SLC45A4: variants seen among roughly 807,000 people sequenced by gnomAD.
The protein encoded by SLC45A4 is solute carrier family 45 member 4, also known as polyamine-transporter SLC45A4.
In SLC45A4, 32 loss-of-function variants were observed where a neutral mutation model predicts 63.7. The observed-to-expected ratio is 0.50, with a 90% CI of 0.38 to 0.67. SLC45A4 has a LOEUF of 0.67. Ranked by LOEUF, SLC45A4 falls within the 30% of genes least tolerant of loss-of-function variation. SLC45A4 has a pLI of 0.00. For missense variants in SLC45A4, 1,027 were observed against 1,157.7 expected, an observed-to-expected ratio of 0.89 and a Z score of 1.64; for synonymous variants, 535 against 510.0, an observed-to-expected ratio of 1.05 and a Z score of -0.66.
rs571364396 is a variant in SLC45A4, at chr8:141,263,056, C to A, written c.-400-8427G>T. On this transcript the variant is annotated intron_variant, in intron 1 of 8. Coordinates refer to ENST00000517878, the MANE Select transcript of SLC45A4 (RefSeq NM_001286646.2). ...GCCATAAAAAATGATGAGTTCATGTCCTTTGTAGGGACATGGATGAAACTG... is the reference window on the plus strand; with the variant it reads ...GCCATAAAAAATGATGAGTTCATGTACTTTGTAGGGACATGGATGAAACTG... Among the ~76,000 whole-genome samples the A allele has an allele frequency of 9.2e-3, 1,396 of 151,964 alleles. 32 individuals are homozygous for A. The highest frequency in any genetic ancestry group is 0.033 in the African/African-American group (1,350 of 41,420).
In SLC45A4 at chr8:141,254,360, C is replaced by A. The variant is rs961692435; in HGVS notation, c.-131G>T. The A allele has an allele frequency of 2.8e-6, 3 of 1,077,394 alleles. No individual in the cohort carries two copies. The highest frequency in any genetic ancestry group is 3.1e-4 in the Middle Eastern group (1 of 3,180). 66.7% of individuals were successfully genotyped at this position (1,077,394 alleles called of 1,614,324 possible). ...GTGTTCCTCGGGCAGGTAACACTTA[C>A]ATTCCTCTTTGCACAAGTGGCTATC... On this transcript the variant is annotated 5_prime_UTR_variant, in exon 2 of 9. The change abolishes an upstream ATG in the 5' untranslated region. Transcript: ENST00000517878. This position sits in a 1 kb window ranked among gnomAD's most constrained non-coding sequence, Gnocchi z 4.5.
intron 2 of SLC45A4, among the ~76,000 whole-genome samples, chr8:141,238,826 G>C (rs1476689640): frequency 6.6e-6 from 1 of 152,332 alleles, no homozygotes; most frequent in African/African-American, 2.4e-5. Context: ...GGGCCGGCGC[G>C]GGGCAGAGCA....
chr8:141,282,016 G>A (rs573797760), intron 1 of SLC45A4, among the ~76,000 whole-genome samples: 1 of 152,294 alleles, frequency 6.6e-6, no homozygotes, highest in South Asian at 2.1e-4. Context: ...CAAGGACACG[G>A]GTCAGCCATG....
Position 141,256,857 on chromosome 8 carries a change from A to G in SLC45A4, c.-400-2228T>C. 1 of 326,248 alleles carries G rather than the reference A, an allele frequency of 3.1e-6. No homozygotes were observed. The highest frequency in any genetic ancestry group is 4.1e-5 in the Admixed American group (1 of 24,404). 20.2% of individuals were successfully genotyped at this position (326,248 alleles called of 1,614,324 possible). A position where few individuals can be genotyped will look rare whatever the true frequency, so the allele number is the denominator to read the frequency against. ...ATTTTTTCAAAAAACTGTGTAATGA[A>G]ACTTTTTTTTTTTTTTGAGACAGTC... On this transcript the variant is annotated intron_variant, in intron 1 of 8. Transcript: ENST00000517878. The surrounding 1 kb of genome is among the most constrained non-coding windows in gnomAD (Gnocchi z 4.3).
intron 6 of SLC45A4, among the ~76,000 whole-genome samples, chr8:141,216,404 TC>T (rs1372820816): frequency 6.6e-6 from 1 of 152,238 alleles, no homozygotes; most frequent in African/African-American, 2.4e-5. Context: ...GCTCTGTTCT[TC>T]CCTCACCCTT....
chr8:141,291,063 G>T (rs1193615641), intron 1 of SLC45A4, among the ~76,000 whole-genome samples: 1 of 152,174 alleles, frequency 6.6e-6, no homozygotes, highest in Non-Finnish European at 1.5e-5. Context: ...TGGCCAGGCT[G>T]GTCTCAAACT....
intron 1 of SLC45A4, among the ~76,000 whole-genome samples, chr8:141,257,426 G>C (rs1411997018): frequency 6.6e-6 from 1 of 152,162 alleles, no homozygotes; most frequent in Non-Finnish European, 1.5e-5. Flanking sequence ...AACATCAGCT[G>C]GGTTTTGGGC....
At position 141,259,037 on chromosome 8, in the gene SLC45A4, A is replaced by C. The variant is rs78378773; in HGVS notation, c.-400-4408T>G. ...AGTCCACAGAAGGACAGAGTGGTGC[A>C]GGAGCGCTCCCTTGACATGGAAAGT... On this transcript the variant is annotated intron_variant, in intron 1 of 8. Coordinates refer to ENST00000517878, the MANE Select transcript of SLC45A4 (RefSeq NM_001286646.2). 6.1e-3 allele frequency among the ~76,000 whole-genome samples: 927 copies of C among 152,326 alleles called. 6 individuals carry two copies. The highest frequency in any genetic ancestry group is 9.3e-3 in the Non-Finnish European group (634 of 68,014).
chr8:141,297,665 G>A (rs529111137), intron 1 of SLC45A4, among the ~76,000 whole-genome samples: 3 of 152,320 alleles, frequency 2.0e-5, no homozygotes, highest in Non-Finnish European at 2.9e-5. Flanking sequence ...CTGACAGCCC[G>A]GCCAGTGGCC....
rs1250867018 is a variant in SLC45A4 at position 141,278,977 on chromosome 8, C to T, written c.-400-24348G>A. On this transcript the variant is annotated intron_variant, in intron 1 of 8. Transcript: ENST00000517878. The surrounding 1 kb of genome is among the most constrained non-coding windows in gnomAD (Gnocchi z 4.1). ...AGACAAGCAAAGCCCCAGCCCCCAC[C>T]TTGGCCCCCAGCCTGTGGGCACAGT... Among the ~76,000 whole-genome samples, 1 of 152,252 alleles carries T rather than the reference C, an allele frequency of 6.6e-6. No individual in the cohort carries two copies. The highest frequency in any genetic ancestry group is 1.9e-4 in the East Asian group (1 of 5,192).
chr8:141,256,805 G>A lies in SLC45A4; in HGVS notation c.-400-2176C>T. ...TAGAAACATCTCAATTAAAACAAGA[G>A]TTTCCAAACTGTCACCTTACTGCAA... On this transcript the variant is annotated intron_variant, in intron 1 of 8. Coordinates refer to ENST00000517878, the MANE Select transcript of SLC45A4 (RefSeq NM_001286646.2). This position sits in a 1 kb window ranked among gnomAD's most constrained non-coding sequence, Gnocchi z 4.3. 1 of 339,104 alleles carries A rather than the reference G, an allele frequency of 2.9e-6. No individual in the cohort carries two copies. The allele number at this position is 339,104 out of a possible 1,614,324, so 21.0% of individuals were successfully genotyped here. A position where few individuals can be genotyped will look rare whatever the true frequency, so the allele number is the denominator to read the frequency against.
At chr8:141,237,239 C>T (rs936952816) in intron 2 of SLC45A4, among the ~76,000 whole-genome samples, 1 of 152,202 alleles carries the variant, frequency 6.6e-6, no homozygotes, top group Non-Finnish European at 1.5e-5. Flanking sequence ...CTGTAAATCA[C>T]CTCCCTGGAG....
Position 141,218,729 on chromosome 8 carries a change from C to T in SLC45A4, c.911G>A (p.Arg304His), listed in dbSNP as rs778474480. ...ALDYPDVDIM[R>H]SKSDSALHVP... ...GTGCAATGCCGAGTCGCTTTTGCTG[C>T]GCATGATGTCCACGTCCGGGTAGTC... Residue 304 changes from arginine (R) to histidine (H), a missense_variant, in exon 5 of 9, where the codon CGC becomes CAC. Physicochemically the swap from Arg to His is conservative, Grantham distance 29. Coordinates refer to ENST00000517878, the MANE Select transcript of SLC45A4 (RefSeq NM_001286646.2). 1.7e-5 allele frequency: 27 copies of T among 1,612,670 alleles called. No homozygotes were observed. The highest frequency in any genetic ancestry group is 3.3e-5 in the South Asian group (3 of 91,072).
rs1282574996 is a variant in SLC45A4 at position 141,215,218 on chromosome 8, G to A, written c.1941+541C>T. ...AAGCTCGTCTCATGTGTGATGTGCT[G>A]TGATGTAACATACACACAATTTCAA... On this transcript the variant is annotated intron_variant, in intron 7 of 8. Transcript: ENST00000517878. This position sits in a 1 kb window ranked among gnomAD's most constrained non-coding sequence, Gnocchi z 4.3. Among the ~76,000 whole-genome samples, 1 of 152,254 alleles carries A rather than the reference G, an allele frequency of 6.6e-6. No individual in the cohort carries two copies. The highest frequency in any genetic ancestry group is 1.5e-5 in the Non-Finnish European group (1 of 68,044).
At chr8:141,298,285 T>C (rs918078501) in intron 1 of SLC45A4, among the ~76,000 whole-genome samples, 4 of 152,288 alleles carry the variant, frequency 2.6e-5, no homozygotes, top group East Asian at 3.8e-4. Flanking sequence ...AAGAACATTC[T>C]GTTTCTTTCA....
chr8:141,304,387 C>T (rs1285535507), intron 1 of SLC45A4, among the ~76,000 whole-genome samples: 2 of 152,038 alleles, frequency 1.3e-5, no homozygotes, highest in Admixed American at 6.6e-5. Context: ...GGTGAAACCC[C>T]ATTTCTACTA....
intron 1 of SLC45A4, among the ~76,000 whole-genome samples, chr8:141,297,238 G>C (rs1830586859): frequency 6.6e-6 from 1 of 151,910 alleles, no homozygotes; most frequent in Admixed American, 6.6e-5. Flanking sequence ...AAAGCCAAAT[G>C]CAACAGGGCT....
intron 2 of SLC45A4, among the ~76,000 whole-genome samples, chr8:141,250,508 C>CA (rs1828411883): frequency 6.6e-6 from 1 of 151,968 alleles, no homozygotes; most frequent in African/African-American, 2.4e-5. Context: ...ACCTCAGCCT[C>CA]CCAAATAGCT....
At position 141,218,606 on chromosome 8, in the gene SLC45A4, C is replaced by CG. The variant is rs768004505; in HGVS notation, c.1033dup (p.Arg345ProfsTer32). ...CTTGGCGAGCTCCTGGCTGGTGCTG[C>CG]GGGGGGTGGCGGGGTAGGAGGCGTC... On this transcript the variant is annotated frameshift_variant, in exon 5 of 9. Transcript: ENST00000517878. LOFTEE classifies it high-confidence loss of function. 3 of 1,613,244 alleles carry CG rather than the reference C, an allele frequency of 1.9e-6. No individual in the cohort carries two copies. The highest frequency in any genetic ancestry group is 8.5e-7 in the Non-Finnish European group (1 of 1,179,868).
Sources: gnomAD v4.1 joint callset for allele counts (sites outside exome capture counted in the v4.1 genomes callset) on GRCh38, gnomAD v4.1.1 for gene constraint, Gnocchi (gnomAD v3.1) non-coding constraint, MANE v1.5 for transcripts, NCBI Gene and HGNC (gene_info 2026-07-23, HGNC 2026-07-21) for gene names.